AUTS2: variants seen among roughly 807,000 people sequenced by gnomAD.
AUTS2 encodes the protein autism susceptibility gene 2 protein.
AUTS2 carries 17 observed loss-of-function variants against 112.4 expected under a neutral mutation model. The observed-to-expected ratio is 0.15, with a 90% CI of 0.10 to 0.23. AUTS2 has a LOEUF of 0.23. Among genes scored for constraint, AUTS2 ranks in the 10% least tolerant of loss-of-function variants. The pLI, the probability that AUTS2 is intolerant of heterozygous loss-of-function variation, is 1.00. For synonymous variants in AUTS2, 751 were observed against 702.7 expected (o/e 1.07, Z -1.09); for missense variants, 1,510 against 1,701.6 (o/e 0.89, Z 1.98).
chr7:70,448,404 A>C (rs6460547), intron 5 of AUTS2, among the ~76,000 whole-genome samples: 11,280 of 152,224 alleles, frequency 0.074, 523 homozygotes, highest in East Asian at 0.14. Flanking sequence ...TCACTGAGAA[A>C]TTTAAAATTA....
intron 15 of AUTS2, chr7:70,782,100 G>T: frequency 4.0e-6 from 1 of 252,162 alleles, no homozygotes; most frequent in Non-Finnish European, 7.5e-6. Context: ...AGGAAACAAT[G>T]CCAGGAATTA....
intron 5 of AUTS2, among the ~76,000 whole-genome samples, chr7:70,605,531 T>C (rs574020075): frequency 6.9e-6 from 1 of 145,236 alleles, no homozygotes; most frequent in Non-Finnish European, 1.5e-5. Context: ...TTTCTTTCTT[T>C]CTTTCCTTCT....
chr7:69,855,081 AC>A (rs576067378), intron 1 of AUTS2, among the ~76,000 whole-genome samples: 112 of 152,316 alleles, frequency 7.4e-4, no homozygotes, highest in African/African-American at 2.6e-3. Flanking sequence ...TCTACAGAAA[AC>A]AAATAATTTT....
intron 5 of AUTS2, among the ~76,000 whole-genome samples, chr7:70,477,571 G>A (rs751764359): frequency 3.9e-5 from 6 of 152,160 alleles, no homozygotes; most frequent in African/African-American, 7.2e-5. Flanking sequence ...TCAGTGGATC[G>A]CTGCCCTCCC....
At chr7:70,053,544 G>GTTTTTTTTTTTGTTTTTTTTTTTTTTTTT (rs374585322) in intron 2 of AUTS2, among the ~76,000 whole-genome samples, 1 of 127,848 alleles carries the variant, frequency 7.8e-6, no homozygotes, top group African/African-American at 3.1e-5. Flanking sequence ...GTTTTGGGTG[G>GTTTTTTTTTTTGTTTTTTTTTTTTTTTTT]TTTTTTTTTT....
intron 5 of AUTS2, among the ~76,000 whole-genome samples, chr7:70,597,603 G>A (rs1254071916): frequency 6.6e-6 from 1 of 152,192 alleles, no homozygotes; most frequent in Non-Finnish European, 1.5e-5. Flanking sequence ...GTGGTGTATT[G>A]TTTCCTTTAC....
At chr7:69,991,944 T>G (rs1584539184) in intron 2 of AUTS2, among the ~76,000 whole-genome samples, 1 of 152,194 alleles carries the variant, frequency 6.6e-6, no homozygotes. Context: ...GTACTATACC[T>G]TTGAAGTTTT....
At chr7:69,650,712 T>G (rs1455741421) in intron 1 of AUTS2, among the ~76,000 whole-genome samples, 2 of 152,246 alleles carry the variant, frequency 1.3e-5, no homozygotes, top group Non-Finnish European at 1.5e-5. Flanking sequence ...TGCAAGCCCA[T>G]GAAGATGTTC....
intron 4 of AUTS2, among the ~76,000 whole-genome samples, chr7:70,348,649 CA>C (rs1006906450): frequency 4.3e-4 from 62 of 145,370 alleles, no homozygotes; most frequent in South Asian, 2.6e-3. Context: ...CTAAAAAATA[CA>C]AAAAAAAAAA....
intron 1 of AUTS2, among the ~76,000 whole-genome samples, chr7:69,881,550 G>A (rs1464925722): frequency 6.6e-6 from 1 of 152,116 alleles, no homozygotes; most frequent in Non-Finnish European, 1.5e-5. Context: ...TAGAATCAGT[G>A]GTAAATGCTT....
chr7:70,370,243 C>T (rs1792778869), intron 4 of AUTS2, among the ~76,000 whole-genome samples: 1 of 152,162 alleles, frequency 6.6e-6, no homozygotes, highest in African/African-American at 2.4e-5. Context: ...CAGAGTTGTG[C>T]ATTCATCACC....
In AUTS2 at chr7:70,075,976, T is replaced by C. The variant is rs540666342; in HGVS notation, c.523-42156T>C. 1.1e-3 allele frequency among the ~76,000 whole-genome samples: 165 copies of C among 152,314 alleles called. 1 individual carries two copies. Among genetic ancestry groups the C allele is most frequent in the African/African-American group, 3.6e-3 (150 of 41,578 alleles). ...TGGTACAGCTACTCAACTCTGCCAC[T>C]GTAGCAGGAAAGCAGCCACATAGGC... On this transcript the variant is annotated intron_variant, in intron 2 of 18. Transcript: ENST00000342771.
chr7:70,086,993 T>G (rs1165829004), intron 2 of AUTS2, among the ~76,000 whole-genome samples: 1 of 151,916 alleles, frequency 6.6e-6, no homozygotes, highest in East Asian at 1.9e-4. Context: ...GGCTGCAATC[T>G]CTAGTATAAT....
chr7:70,778,320 A>G (rs1034842736), intron 14 of AUTS2, among the ~76,000 whole-genome samples: 3 of 152,240 alleles, frequency 2.0e-5, no homozygotes, highest in African/African-American at 4.8e-5. Flanking sequence ...AGCTTCACTT[A>G]ATCCATTTCT....
chr7:70,270,235 A>G (rs1273645410), intron 4 of AUTS2, among the ~76,000 whole-genome samples: 2 of 152,218 alleles, frequency 1.3e-5, no homozygotes, highest in South Asian at 2.1e-4. Flanking sequence ...GTTGATGCCA[A>G]GGAAAAATGA....
chr7:70,629,328 C>T (rs1026268188), intron 5 of AUTS2, among the ~76,000 whole-genome samples: 1 of 152,096 alleles, frequency 6.6e-6, no homozygotes, highest in Admixed American at 6.6e-5. Flanking sequence ...AAAAATTAGC[C>T]AGGCGTGGTG....
At chr7:69,907,188 T>C (rs1795181925) in intron 2 of AUTS2, among the ~76,000 whole-genome samples, 1 of 152,242 alleles carries the variant, frequency 6.6e-6, no homozygotes, top group African/African-American at 2.4e-5. Flanking sequence ...TGCCTGCTCA[T>C]GTCTTACCTT....
chr7:69,757,705 G>A (rs1236751668), intron 1 of AUTS2, among the ~76,000 whole-genome samples: 1 of 152,118 alleles, frequency 6.6e-6, no homozygotes, highest in Non-Finnish European at 1.5e-5. Flanking sequence ...TTAGAAAGCA[G>A]TTTAATTAAT....
intron 5 of AUTS2, among the ~76,000 whole-genome samples, chr7:70,682,335 T>C (rs1443625261): frequency 6.6e-6 from 1 of 152,248 alleles, no homozygotes; most frequent in African/African-American, 2.4e-5. Flanking sequence ...TTTTTAGTTG[T>C]ACAAACATTC....
Sources: allele counts gnomAD v4.1 joint callset (sites outside exome capture counted in the v4.1 genomes callset), GRCh38; gene constraint gnomAD v4.1.1; transcripts MANE v1.5; gene names NCBI Gene and HGNC (gene_info 2026-07-23, HGNC 2026-07-21).